Variants in NRXN3 observed in about 807,000 individuals in gnomAD.
The protein encoded by NRXN3 is neurexin 3, also known as neurexin III.
Under a neutral mutation model 137.6 loss-of-function variants are expected in NRXN3, and 32 were observed. That is an observed-to-expected ratio of 0.23 (90% CI 0.18 to 0.31). NRXN3 has a LOEUF of 0.31. Ranked by LOEUF, NRXN3 falls within the 10% of genes least tolerant of loss-of-function variation. The pLI is 1.00. For missense variants in NRXN3, 1,574 were observed against 2,062.5 expected (o/e 0.76, Z 4.59); for synonymous variants, 798 against 784.5 (o/e 1.02, Z -0.29).
At position 79,864,536 on chromosome 14, in the gene NRXN3, A is replaced by G. The variant is rs1314777496; in HGVS notation, c.*2572A>G. Reference sequence around the variant, plus strand: ...GAGCTAGACCACTTTCATGTGATAGAAGATATTCTAAGCAGTTACTAATTA... The same window carrying G: ...GAGCTAGACCACTTTCATGTGATAGGAGATATTCTAAGCAGTTACTAATTA... On this transcript the variant is annotated 3_prime_UTR_variant, in exon 21 of 21. Transcript: ENST00000335750. The G allele has an allele frequency of 2.0e-5, 3 of 152,554 alleles. No homozygotes were observed. Among genetic ancestry groups the G allele is most frequent in the South Asian group, 2.1e-4 (1 of 4,834 alleles). The allele number at this position is 152,554 out of a possible 1,614,324, so 9.5% of individuals were successfully genotyped here.
intron 15 of NRXN3, among the ~76,000 whole-genome samples, chr14:79,299,223 C>CT (rs1373636627): frequency 2.0e-5 from 3 of 152,106 alleles, no homozygotes; most frequent in African/African-American, 7.2e-5. Flanking sequence ...ACTTCTCAGC[C>CT]TTGACCCTTT....
At chr14:78,855,310 C>A (rs1422417514) in intron 10 of NRXN3, among the ~76,000 whole-genome samples, 1 of 152,082 alleles carries the variant, frequency 6.6e-6, no homozygotes, top group East Asian at 1.9e-4. Flanking sequence ...GACATTATTA[C>A]TTTGGTAAAG....
chr14:78,572,531 T>G (rs965279509), intron 4 of NRXN3, among the ~76,000 whole-genome samples: 1 of 152,204 alleles, frequency 6.6e-6, no homozygotes, highest in Non-Finnish European at 1.5e-5. Flanking sequence ...ATCAGACCAA[T>G]CCAGAAGCAC....
chr14:78,474,507 A>ATCATGCAGTCGTAGCT (rs6145400), intron 4 of NRXN3, among the ~76,000 whole-genome samples: 1 of 152,136 alleles, frequency 6.6e-6, no homozygotes, highest in Non-Finnish European at 1.5e-5. Context: ...GGCTCAACTT[A>ATCATGCAGTCGTAGCT]TCAAGTTATG....
intron 4 of NRXN3, among the ~76,000 whole-genome samples, chr14:78,451,087 C>G (rs2094540734): frequency 6.6e-6 from 1 of 152,096 alleles, no homozygotes; most frequent in African/African-American, 2.4e-5. Flanking sequence ...GTTTATAGGG[C>G]CTGTCTCTGG....
chr14:78,607,296 C>A (rs80101621), intron 4 of NRXN3, among the ~76,000 whole-genome samples: 1 of 152,132 alleles, frequency 6.6e-6, no homozygotes, highest in Non-Finnish European at 1.5e-5. Context: ...AATCCTTTCC[C>A]GCTGAGCTTC....
chr14:79,489,019 G>A lies in NRXN3; in HGVS notation c.3444+21617G>A, dbSNP rs139893861. ...GTTATAATCTATATCTTGCAGGCAT[G>A]TTATGAAAATTAAATATGATCACAT... On this transcript the variant is annotated intron_variant, in intron 16 of 20. Coordinates refer to ENST00000335750, the MANE Select transcript of NRXN3 (RefSeq NM_001330195.2). Among the ~76,000 whole-genome samples the A allele has an allele frequency of 3.6e-3, 545 of 152,196 alleles. 2 individuals are homozygous for A. Among genetic ancestry groups the A allele is most frequent in the Admixed American group, 5.9e-3 (90 of 15,296 alleles).
chr14:79,592,976 T>C (rs1362735111), intron 16 of NRXN3, among the ~76,000 whole-genome samples: 1 of 152,186 alleles, frequency 6.6e-6, no homozygotes, highest in Non-Finnish European at 1.5e-5. Context: ...ATCAAGTACT[T>C]TAACTTTCTG....
intron 4 of NRXN3, among the ~76,000 whole-genome samples, chr14:78,405,074 A>G (rs2092391058): frequency 6.6e-6 from 1 of 152,208 alleles, no homozygotes; most frequent in East Asian, 1.9e-4. Flanking sequence ...CTGTGGTTCT[A>G]CAGTGACATG....
intron 15 of NRXN3, among the ~76,000 whole-genome samples, chr14:79,217,855 G>A (rs919741896): frequency 1.1e-4 from 17 of 152,168 alleles, no homozygotes; most frequent in Admixed American, 4.6e-4. Flanking sequence ...TAAAATGTAC[G>A]AAACAGGGAA....
At position 79,615,939 on chromosome 14, in the gene NRXN3, G is replaced by A. The variant is rs151046234; in HGVS notation, c.3445-47839G>A. ...GTATTATTCCCATCTTAAGAATGAG[G>A]AAACTGAGGCACTGAGAGGTTAACT... On this transcript the variant is annotated intron_variant, in intron 16 of 20. Coordinates refer to ENST00000335750, the MANE Select transcript of NRXN3 (RefSeq NM_001330195.2). Among the ~76,000 whole-genome samples, 605 of 152,246 alleles carry A rather than the reference G, an allele frequency of 4.0e-3. 3 individuals carry two copies. The highest frequency in any genetic ancestry group is 5.7e-3 in the Non-Finnish European group (389 of 68,026).
chr14:79,260,236 T>C (rs1357966846), intron 15 of NRXN3, among the ~76,000 whole-genome samples: 3 of 152,206 alleles, frequency 2.0e-5, no homozygotes, highest in Non-Finnish European at 4.4e-5. Flanking sequence ...CTATAAATTA[T>C]ATTTTATAAG....
At chr14:79,614,675 C>T (rs566079149) in intron 16 of NRXN3, among the ~76,000 whole-genome samples, 3 of 152,206 alleles carry the variant, frequency 2.0e-5, no homozygotes, top group South Asian at 4.1e-4. Flanking sequence ...TTTTCAGCAG[C>T]CTAATTGCTT....
chr14:79,476,552 T>A (rs2096561472), intron 16 of NRXN3, among the ~76,000 whole-genome samples: 1 of 152,126 alleles, frequency 6.6e-6, no homozygotes, highest in Admixed American at 6.6e-5. Flanking sequence ...TTATTTTTCC[T>A]CCTCCATTTC....
chr14:78,517,405 G>A (rs2096224785), intron 4 of NRXN3, among the ~76,000 whole-genome samples: 1 of 152,106 alleles, frequency 6.6e-6, no homozygotes, highest in African/African-American at 2.4e-5. Context: ...GTGAGAGGGG[G>A]CTGTCTGCTG....
intron 15 of NRXN3, among the ~76,000 whole-genome samples, chr14:79,357,755 GAA>G (rs2093477416): frequency 6.6e-6 from 1 of 152,126 alleles, no homozygotes; most frequent in African/African-American, 2.4e-5. Flanking sequence ...CAGAAAAGAA[GAA>G]ATGGCCGTTT....
intron 2 of NRXN3, chr14:78,250,121 A>G (rs754026063): frequency 6.2e-5 from 32 of 516,078 alleles, no homozygotes; most frequent in South Asian, 1.7e-4. Context: ...GCAAGAGGTT[A>G]AATAACTTGC....
chr14:79,021,749 A>G (rs1258694362), intron 15 of NRXN3, among the ~76,000 whole-genome samples: 1 of 152,234 alleles, frequency 6.6e-6, no homozygotes, highest in Admixed American at 6.5e-5. Context: ...AAACACCGGA[A>G]GCATCACACA....
At chr14:79,684,167 A>C (rs1024938146) in intron 17 of NRXN3, among the ~76,000 whole-genome samples, 4 of 152,228 alleles carry the variant, frequency 2.6e-5, no homozygotes, top group Non-Finnish European at 4.4e-5. Context: ...ACATTTTCTT[A>C]CCATGTTTGG....
Sources: gnomAD v4.1 joint callset for allele counts (sites outside exome capture counted in the v4.1 genomes callset) on GRCh38, gnomAD v4.1.1 for gene constraint, MANE v1.5 for transcripts, NCBI Gene and HGNC (gene_info 2026-07-23, HGNC 2026-07-21) for gene names.